Variants in DNMBP observed in about 807,000 individuals in gnomAD.
DNMBP encodes the protein dynamin binding protein, also known as dynamin-binding protein.
In DNMBP, 87 loss-of-function variants were observed where a neutral mutation model predicts 150.0. The observed-to-expected ratio is 0.58, with a 90% CI of 0.49 to 0.69. DNMBP has a LOEUF of 0.69. Ranked by LOEUF, DNMBP falls within the 30% of genes least tolerant of loss-of-function variation. The probability of loss-of-function intolerance (pLI) is 0.00; values close to 1 mark genes in which losing one functional copy is unlikely to be tolerated. For missense variants in DNMBP, 1,774 were observed against 1,949.0 expected (o/e 0.91, Z 1.69); for synonymous variants, 711 against 750.4 (o/e 0.95, Z 0.86).
chr10:99,970,971 C>CAAAAAAAAAAAAAAAAT (rs2040667549), intron 2 of DNMBP, among the ~76,000 whole-genome samples: 5 of 33,178 alleles, frequency 1.5e-4, no homozygotes, highest in Admixed American at 5.4e-4. Flanking sequence ...GACTCCGTCT[C>CAAAAAAAAAAAAAAAAT]AAAAAAAAAA....
In DNMBP at chr10:99,955,277, C is replaced by G. The variant is rs748701617; in HGVS notation, c.2197G>C (p.Glu733Gln). ...QDESSRAETL[E>Q]DLKFCESNIE... ...TTACTTTCACAGAACTTGAGATCCTCGAGGGTCTCTGCTCTTGATGATTCA... is the reference window on the plus strand; with the variant it reads ...TTACTTTCACAGAACTTGAGATCCTGGAGGGTCTCTGCTCTTGATGATTCA... The change falls in exon 4 of 17, where the codon GAG becomes CAG. Residue 733 changes from glutamate (E) to glutamine (Q), a missense_variant. Transcript: ENST00000324109. 1 of 1,614,062 alleles carries G rather than the reference C, an allele frequency of 6.2e-7. No individual in the cohort carries two copies.
chr10:99,922,543 A>T (rs7077577), intron 4 of DNMBP, among the ~76,000 whole-genome samples: 1 of 108,510 alleles, frequency 9.2e-6, no homozygotes, highest in African/African-American at 3.6e-5. Context: ...AAAAAAAAAG[A>T]TCTCACTCTC....
intron 12 of DNMBP, 63 bp downstream of exon 12, chr10:99,888,762 T>G (rs2039510730): frequency 1.0e-4 from 162 of 1,596,804 alleles, no homozygotes; most frequent in Non-Finnish European, 1.2e-4. Context: ...CTGACTTGCA[T>G]GAGCTGATGT....
chr10:99,934,728 G>A lies in DNMBP; in HGVS notation c.2260+20486C>T, dbSNP rs2805495. On this transcript the variant is annotated intron_variant, in intron 4 of 16. Transcript: ENST00000324109. ...GTCAGGAATCATTTGGTAGACGTGA[G>A]GAAATAATGCGTGGGGACAAGATTT... Among the ~76,000 whole-genome samples, 501 of 123,044 alleles carry A rather than the reference G, an allele frequency of 4.1e-3. 7 individuals carry two copies. The highest frequency in any genetic ancestry group is 0.013 in the South Asian group (48 of 3,762). The allele number at this position is 123,044 out of a possible 152,430, so 80.7% of individuals were successfully genotyped here. A position where few individuals can be genotyped will look rare whatever the true frequency, so the allele number is the denominator to read the frequency against.
At chr10:99,926,190 C>A (rs989823543) in intron 4 of DNMBP, among the ~76,000 whole-genome samples, 1 of 152,238 alleles carries the variant, frequency 6.6e-6, no homozygotes, top group African/African-American at 2.4e-5. Flanking sequence ...AGTGCCCACA[C>A]TTGGTCTAGT....
chr10:99,970,280 C>T (rs1191091968), intron 2 of DNMBP, among the ~76,000 whole-genome samples: 1 of 152,202 alleles, frequency 6.6e-6, no homozygotes, highest in African/African-American at 2.4e-5. Context: ...CCCAGACTTA[C>T]ATAAATATGA....
At chr10:99,934,685 C>G (rs1215127509) in intron 4 of DNMBP, among the ~76,000 whole-genome samples, 1 of 134,980 alleles carries the variant, frequency 7.4e-6, no homozygotes, top group Non-Finnish European at 1.6e-5. Flanking sequence ...AAAACTGGTA[C>G]ATTTGTAATC....
intron 11 of DNMBP, among the ~76,000 whole-genome samples, chr10:99,894,422 C>T (rs367677144): frequency 6.6e-6 from 1 of 152,186 alleles, no homozygotes; most frequent in East Asian, 1.9e-4. Context: ...CCTAGGCTCA[C>T]CTGATCTCCT....
chr10:99,886,750 C>T lies in DNMBP; in HGVS notation c.3286-118G>A, dbSNP rs1168072462. The T allele has an allele frequency of 6.8e-6, 6 of 881,644 alleles. No individual in the cohort carries two copies. The East Asian group carries it at 1.5e-4, about 22-fold the overall frequency. The allele number at this position is 881,644 out of a possible 1,614,324, so 54.6% of individuals were successfully genotyped here. A position where few individuals can be genotyped will look rare whatever the true frequency, so the allele number is the denominator to read the frequency against. ...TGAACCACCTACTTCGTTTCTAGTA[C>T]ACAAGCTAAACCCATACAGATCTAC... On this transcript the variant is annotated intron_variant, in intron 12 of 16. Coordinates refer to ENST00000324109, the MANE Select transcript of DNMBP (RefSeq NM_015221.4).
rs1374643496 is a variant in DNMBP at position 100,009,834 on chromosome 10, T to A, written c.-11+4A>T. The A allele has an allele frequency of 6.8e-6, 1 of 147,984 alleles. No homozygotes were observed. Among genetic ancestry groups the A allele is most frequent in the African/African-American group, 2.5e-5 (1 of 40,760 alleles). The allele number at this position is 147,984 out of a possible 1,614,324, so 9.2% of individuals were successfully genotyped here. A position where few individuals can be genotyped will look rare whatever the true frequency, so the allele number is the denominator to read the frequency against. Reference sequence around the variant, plus strand: ...CCCGGCTCCGGCCTGGCCCGGCCTCTGACCTGCTTTCCGCCGCCCGGCGGT... The same window carrying A: ...CCCGGCTCCGGCCTGGCCCGGCCTCAGACCTGCTTTCCGCCGCCCGGCGGT... On this transcript the variant is annotated splice_donor_region_variant and intron_variant, in intron 1 of 16. Coordinates refer to ENST00000324109, the MANE Select transcript of DNMBP (RefSeq NM_015221.4).
At chr10:99,878,889 G>C (rs939821174) in intron 16 of DNMBP, among the ~76,000 whole-genome samples, 46 of 151,990 alleles carry the variant, frequency 3.0e-4, no homozygotes, top group Non-Finnish European at 2.8e-4. Flanking sequence ...CAAATTGGGA[G>C]GCCAAGGCAG....
At chr10:99,965,756 C>T (rs113556328) in intron 3 of DNMBP, among the ~76,000 whole-genome samples, 1 of 152,210 alleles carries the variant, frequency 6.6e-6, no homozygotes, top group South Asian at 2.1e-4. Context: ...CTAGGCCTCC[C>T]AAAGTGCTGG....
chr10:99,981,416 A>C, intron 1 of DNMBP, among the ~76,000 whole-genome samples: 1 of 152,180 alleles, frequency 6.6e-6, no homozygotes, highest in East Asian at 1.9e-4. Context: ...TCCTGGCCTC[A>C]AGTGATCTGC....
rs71009780 is a variant in DNMBP at position 99,879,084 on chromosome 10, C to CAAAAA, written c.4548+722_4548+726dup. ...TGGGCGACAGAGCAAGACTCTGTCT[C>CAAAAA]AAAAAAAAAAAAAAAAACCCAAAAC... On this transcript the variant is annotated intron_variant, in intron 16 of 16. Transcript: ENST00000324109. 1.8e-4 allele frequency among the ~76,000 whole-genome samples: 11 copies of CAAAAA among 62,404 alleles called. No homozygotes were observed. The East Asian group carries it at 1.9e-3, about 11-fold the overall frequency. 40.9% of individuals were successfully genotyped at this position (62,404 alleles called of 152,430 possible).
At chr10:99,886,266 G>A in intron 13 of DNMBP, 34 bp downstream of exon 13, 1 of 1,555,328 alleles carries the variant, frequency 6.4e-7, no homozygotes, top group East Asian at 2.3e-5. Flanking sequence ...AAAGGCTATA[G>A]ATGACCATCC....
intron 15 of DNMBP, among the ~76,000 whole-genome samples, chr10:99,883,668 A>AAG (rs2039405371): frequency 6.9e-6 from 1 of 145,584 alleles, no homozygotes; most frequent in African/African-American, 2.6e-5. Context: ...AAAAAAAAAA[A>AAG]TTTGAAAAGA....
intron 1 of DNMBP, among the ~76,000 whole-genome samples, chr10:99,981,436 C>A (rs1470674580): frequency 6.6e-6 from 1 of 152,174 alleles, no homozygotes; most frequent in Non-Finnish European, 1.5e-5. Context: ...CCCGCCTTGG[C>A]CTCTCAAAGA....
At chr10:99,955,112 G>T in intron 4 of DNMBP, 102 bp downstream of exon 4, 16 of 875,982 alleles carry the variant, frequency 1.8e-5, no homozygotes, top group Middle Eastern at 2.5e-4. Context: ...ATCATTTTTT[G>T]TCCATCGAGG....
At chr10:99,880,498 GC>G in intron 15 of DNMBP, 137 bp from the exon 16 acceptor site, 1 of 1,214,978 alleles carries the variant, frequency 8.2e-7, no homozygotes, top group Non-Finnish European at 1.1e-6. Flanking sequence ...CAAAAGCCAG[GC>G]CAATAGTGAG....
Sources: allele counts gnomAD v4.1 joint callset (sites outside exome capture counted in the v4.1 genomes callset), GRCh38; gene constraint gnomAD v4.1.1; transcripts MANE v1.5; gene names NCBI Gene and HGNC (gene_info 2026-07-23, HGNC 2026-07-21).